Variants in CPQ observed in about 807,000 individuals in gnomAD.
The protein encoded by CPQ is Ser-Met dipeptidase.
A neutral mutation model predicts 45.7 loss-of-function variants in CPQ; 37 were observed. The observed-to-expected ratio is 0.81, with a 90% CI of 0.62 to 1.07. The LOEUF (loss-of-function observed/expected upper bound fraction) is 1.07. Among genes scored for constraint, CPQ ranks in the 50% least tolerant of loss-of-function variants. CPQ has a pLI of 0.00. For synonymous variants in CPQ, 186 were observed against 205.8 expected (o/e 0.90, Z 0.82); for missense variants, 537 against 572.9 (o/e 0.94, Z 0.64).
At chr8:97,047,738 A>C (rs769928415) in intron 6 of CPQ, among the ~76,000 whole-genome samples, 13 of 152,198 alleles carry the variant, frequency 8.5e-5, no homozygotes, top group Non-Finnish European at 1.5e-4. Context: ...ACAATACAGA[A>C]AAATTAAAAA....
intron 4 of CPQ, among the ~76,000 whole-genome samples, chr8:96,943,301 G>A (rs1054062174): frequency 2.0e-5 from 3 of 152,120 alleles, no homozygotes; most frequent in South Asian, 2.1e-4. Context: ...CTGTAGATGC[G>A]TGTACACAAT....
chr8:96,738,088 T>C (rs536296292), intron 1 of CPQ, among the ~76,000 whole-genome samples: 5 of 152,310 alleles, frequency 3.3e-5, no homozygotes, highest in African/African-American at 1.2e-4. Context: ...TATTGCAATG[T>C]ATGAGATATA....
intron 2 of CPQ, among the ~76,000 whole-genome samples, chr8:96,825,456 G>A (rs1006613563): frequency 2.6e-5 from 4 of 152,040 alleles, no homozygotes; most frequent in African/African-American, 7.2e-5. Context: ...TTTGAGCTTC[G>A]TTGTGCCTCC....
intron 3 of CPQ, among the ~76,000 whole-genome samples, chr8:96,852,359 G>C (rs947516521): frequency 3.9e-5 from 6 of 152,132 alleles, no homozygotes; most frequent in African/African-American, 1.4e-4. Flanking sequence ...AAGACACTAG[G>C]TGAGAGTGAA....
chr8:97,001,078 C>A (rs1369975741), intron 5 of CPQ, among the ~76,000 whole-genome samples: 1 of 152,020 alleles, frequency 6.6e-6, no homozygotes, highest in Non-Finnish European at 1.5e-5. Context: ...GCGATTTTTA[C>A]ACATTGATTT....
intron 1 of CPQ, among the ~76,000 whole-genome samples, chr8:96,663,808 A>G (rs781256136): frequency 6.6e-6 from 1 of 152,146 alleles, no homozygotes; most frequent in Non-Finnish European, 1.5e-5. Context: ...ATGCTCAATG[A>G]TAAGTCTCTG....
chr8:96,737,247 ACACACAC>A (rs1201515428), intron 1 of CPQ, among the ~76,000 whole-genome samples: 60 of 143,764 alleles, frequency 4.2e-4, no homozygotes, highest in African/African-American at 1.6e-3. Context: ...ACACACACAC[ACACACAC>A]AAAAAAAAAC....
intron 5 of CPQ, among the ~76,000 whole-genome samples, chr8:97,023,400 C>T (rs534840935): frequency 1.3e-5 from 2 of 151,938 alleles, no homozygotes; most frequent in South Asian, 2.1e-4. Context: ...GATGGGTGCA[C>T]CAAAATCTCA....
At chr8:96,874,388 A>G (rs1343469912) in intron 3 of CPQ, among the ~76,000 whole-genome samples, 1 of 151,804 alleles carries the variant, frequency 6.6e-6, no homozygotes, top group Non-Finnish European at 1.5e-5. Flanking sequence ...ATATTCACAG[A>G]GTTGTGCAAC....
chr8:96,696,088 A>T (rs1482964948), intron 1 of CPQ, among the ~76,000 whole-genome samples: 1 of 151,932 alleles, frequency 6.6e-6, no homozygotes. Flanking sequence ...TGGCACATAT[A>T]CATCATGGAA....
At chr8:97,028,916 T>G (rs1809846795) in intron 5 of CPQ, among the ~76,000 whole-genome samples, 1 of 152,244 alleles carries the variant, frequency 6.6e-6, no homozygotes, top group Non-Finnish European at 1.5e-5. Flanking sequence ...AGTTATTACA[T>G]TACTGAAGAT....
chr8:96,955,395 T>C (rs1394616879), intron 4 of CPQ, among the ~76,000 whole-genome samples: 2 of 152,194 alleles, frequency 1.3e-5, no homozygotes, highest in Non-Finnish European at 2.9e-5. Flanking sequence ...ATAAATGTCT[T>C]CCTTTGAGAA....
intron 2 of CPQ, among the ~76,000 whole-genome samples, chr8:96,810,450 G>C (rs541208697): frequency 6.6e-6 from 1 of 152,204 alleles, no homozygotes; most frequent in South Asian, 2.1e-4. Context: ...AGTGGTTAGA[G>C]TAACTTTGGA....
intron 1 of CPQ, among the ~76,000 whole-genome samples, chr8:96,714,223 A>C (rs1809648099): frequency 6.6e-6 from 1 of 152,222 alleles, no homozygotes; most frequent in African/African-American, 2.4e-5. Flanking sequence ...TATTCCATCA[A>C]ATAAGTTTTC....
chr8:97,044,523 G>A (rs1180318046), intron 6 of CPQ, among the ~76,000 whole-genome samples: 3 of 152,178 alleles, frequency 2.0e-5, no homozygotes, highest in African/African-American at 7.2e-5. Flanking sequence ...TCCGTTGCTG[G>A]TGAGGAACTG....
chr8:97,003,012 A>G (rs1395710066), intron 5 of CPQ, among the ~76,000 whole-genome samples: 1 of 152,158 alleles, frequency 6.6e-6, no homozygotes, highest in African/African-American at 2.4e-5. Flanking sequence ...ACTATTATAT[A>G]ATGCCCTTCT....
chr8:96,756,147 T>C (rs972339313), intron 1 of CPQ, among the ~76,000 whole-genome samples: 2 of 152,118 alleles, frequency 1.3e-5, no homozygotes, highest in Non-Finnish European at 2.9e-5. Flanking sequence ...GCTCAAGTTA[T>C]TTATACTACC....
At chr8:96,813,160 G>A (rs1190817197) in intron 2 of CPQ, among the ~76,000 whole-genome samples, 11 of 152,078 alleles carry the variant, frequency 7.2e-5, no homozygotes, top group Admixed American at 7.2e-4. Context: ...TCCAATCTTA[G>A]CATAACTTTT....
intron 4 of CPQ, among the ~76,000 whole-genome samples, chr8:96,911,185 G>C (rs1812657936): frequency 6.6e-6 from 1 of 151,912 alleles, no homozygotes; most frequent in Admixed American, 6.6e-5. Context: ...GAGAGAGCAG[G>C]TTTGCACCGA....
Sources: allele counts gnomAD v4.1 joint callset (sites outside exome capture counted in the v4.1 genomes callset), GRCh38; gene constraint gnomAD v4.1.1; transcripts MANE v1.5; gene names NCBI Gene and HGNC (gene_info 2026-07-23, HGNC 2026-07-21).